The following NTM variants were observed in gnomAD, a reference collection of about 807,000 sequenced individuals.
NTM encodes the protein neurotrimin.
In NTM, 13 loss-of-function variants were observed where a neutral mutation model predicts 42.1. The ratio of observed to expected loss-of-function variants is 0.31; its 90% CI spans 0.20 to 0.49. The LOEUF (loss-of-function observed/expected upper bound fraction) is 0.49. Ranked by LOEUF, NTM falls within the 20% of genes least tolerant of loss-of-function variation. NTM has a pLI of 0.99. For missense variants in NTM, 373 were observed against 452.8 expected (o/e 0.82, Z 1.60); for synonymous variants, 187 against 179.2 (o/e 1.04, Z -0.35).
intron 1 of NTM, among the ~76,000 whole-genome samples, chr11:131,683,836 C>T (rs915198902): frequency 1.3e-5 from 2 of 152,100 alleles, no homozygotes; most frequent in Non-Finnish European, 2.9e-5. Flanking sequence ...GAGCTGATGG[C>T]GTCCTAGGCT....
At chr11:131,551,285 A>G (rs992692688) in intron 1 of NTM, among the ~76,000 whole-genome samples, 9 of 152,220 alleles carry the variant, frequency 5.9e-5, no homozygotes, top group Non-Finnish European at 1.2e-4. Context: ...TAGAAAGAAG[A>G]TAATAGCTCC....
At position 132,001,099 on chromosome 11, in the gene NTM, GTTTGT is replaced by G. The variant is rs376894229; in HGVS notation, c.167+89456_167+89460del. Among the ~76,000 whole-genome samples the G allele has an allele frequency of 7.0e-4, 106 of 152,116 alleles. 1 individual carries two copies. Among genetic ancestry groups the G allele is most frequent in the African/African-American group, 2.4e-3 (98 of 41,498 alleles). ...ATCCAGGAAGCATATTGTGAGGAGC[GTTTGT>G]TTTGCAGGTTGCAAAACATGAGTTT... On this transcript the variant is annotated intron_variant, in intron 2 of 8. Transcript: ENST00000683400.
At chr11:131,458,091 G>A (rs1482472453) in intron 1 of NTM, among the ~76,000 whole-genome samples, 1 of 152,218 alleles carries the variant, frequency 6.6e-6, no homozygotes, top group Non-Finnish European at 1.5e-5. Flanking sequence ...GGATGAGTGT[G>A]AGTAGAGAGG....
intron 1 of NTM, among the ~76,000 whole-genome samples, chr11:131,456,046 TTTTG>T (rs1207058916): frequency 1.3e-5 from 2 of 152,190 alleles, no homozygotes; most frequent in Non-Finnish European, 2.9e-5. Context: ...AGGTTGCAAA[TTTTG>T]TGTGTGTGAA....
intron 1 of NTM, among the ~76,000 whole-genome samples, chr11:131,893,914 G>A (rs1027980564): frequency 2.6e-5 from 4 of 152,190 alleles, no homozygotes; most frequent in Admixed American, 1.3e-4. Context: ...CTGGAAGAGG[G>A]CGCATGTTTC....
At chr11:131,654,285 C>T (rs2066887545) in intron 1 of NTM, among the ~76,000 whole-genome samples, 1 of 152,172 alleles carries the variant, frequency 6.6e-6, no homozygotes, top group South Asian at 2.1e-4. Flanking sequence ...CCTAGAATGT[C>T]AAGGAAAAGC....
At chr11:131,548,975 A>T (rs1315287592) in intron 1 of NTM, among the ~76,000 whole-genome samples, 1 of 152,198 alleles carries the variant, frequency 6.6e-6, no homozygotes. Context: ...TTCACAGCTT[A>T]TACATCCTTA....
At chr11:132,159,323 G>T (rs949672395) in intron 3 of NTM, among the ~76,000 whole-genome samples, 1 of 152,132 alleles carries the variant, frequency 6.6e-6, no homozygotes, top group African/African-American at 2.4e-5. Flanking sequence ...TAAGAGACGC[G>T]TTTATTCTCC....
intron 2 of NTM, among the ~76,000 whole-genome samples, chr11:132,084,791 C>A (rs2059501636): frequency 6.6e-6 from 1 of 152,146 alleles, no homozygotes; most frequent in South Asian, 2.1e-4. Flanking sequence ...ATTTCATTAT[C>A]TTTTACTATT....
At chr11:131,456,172 C>A (rs564683545) in intron 1 of NTM, among the ~76,000 whole-genome samples, 1 of 152,314 alleles carries the variant, frequency 6.6e-6, no homozygotes, top group East Asian at 1.9e-4. Context: ...CAAGCTCTGA[C>A]TGGTGAGTGA....
intron 4 of NTM, among the ~76,000 whole-genome samples, chr11:132,255,593 G>A (rs2092405916): frequency 6.6e-6 from 1 of 152,188 alleles, no homozygotes; most frequent in African/African-American, 2.4e-5. Context: ...CAGAGAAGGG[G>A]GTGCGGAGTG....
chr11:131,600,255 C>A (rs2060353685), intron 1 of NTM, among the ~76,000 whole-genome samples: 2 of 152,132 alleles, frequency 1.3e-5, no homozygotes, highest in Non-Finnish European at 2.9e-5. Flanking sequence ...AAGCACATTC[C>A]TCATGCAGAA....
intron 1 of NTM, among the ~76,000 whole-genome samples, chr11:131,646,775 C>T (rs1378228523): frequency 6.6e-6 from 1 of 152,124 alleles, no homozygotes; most frequent in African/African-American, 2.4e-5. Flanking sequence ...GGGTTTCAAT[C>T]TCAGCCTTAT....
At chr11:131,665,143 C>T (rs536881201) in intron 1 of NTM, among the ~76,000 whole-genome samples, 4 of 152,342 alleles carry the variant, frequency 2.6e-5, no homozygotes, top group Non-Finnish European at 5.9e-5. Context: ...TCAAGGCTGA[C>T]ACCTGGAGAC....
At chr11:132,005,045 A>G (rs1409226969) in intron 2 of NTM, among the ~76,000 whole-genome samples, 1 of 152,152 alleles carries the variant, frequency 6.6e-6, no homozygotes, top group African/African-American at 2.4e-5. Context: ...GTTATAGTTG[A>G]TGGCTCAGGA....
In NTM at chr11:131,966,968, A is replaced by C. The variant is rs80026689; in HGVS notation, c.167+55320A>C. Among the ~76,000 whole-genome samples the C allele has an allele frequency of 2.3e-3, 344 of 152,240 alleles. 3 individuals carry two copies. Among genetic ancestry groups the C allele is most frequent in the African/African-American group, 7.5e-3 (313 of 41,524 alleles). Reference sequence around the variant, plus strand: ...CCAGTAAGACTTGCTGATGGGTTACATGTGGGATGTGAGGGAAAGAGAGGT... The same window carrying C: ...CCAGTAAGACTTGCTGATGGGTTACCTGTGGGATGTGAGGGAAAGAGAGGT... On this transcript the variant is annotated intron_variant, in intron 2 of 8. Coordinates refer to ENST00000683400, the MANE Select transcript of NTM (RefSeq NM_001352005.2).
chr11:132,303,600 CT>C (rs1038337630), intron 4 of NTM, among the ~76,000 whole-genome samples: 19 of 151,520 alleles, frequency 1.3e-4, no homozygotes, highest in Admixed American at 3.3e-4. Context: ...CTCAACATAC[CT>C]TTTTTGGGAG....
intron 2 of NTM, among the ~76,000 whole-genome samples, chr11:132,085,199 C>G (rs1371138999): frequency 6.6e-6 from 1 of 152,180 alleles, no homozygotes; most frequent in East Asian, 1.9e-4. Flanking sequence ...TAATCTTTTA[C>G]TAAAGACACA....
At chr11:132,165,151 T>C (rs760308787) in intron 3 of NTM, among the ~76,000 whole-genome samples, 1 of 152,182 alleles carries the variant, frequency 6.6e-6, no homozygotes, top group Non-Finnish European at 1.5e-5. Flanking sequence ...TGTGGGAACC[T>C]AATGGAATCT....
Sources: gnomAD v4.1 joint callset for allele counts (sites outside exome capture counted in the v4.1 genomes callset) on GRCh38, gnomAD v4.1.1 for gene constraint, MANE v1.5 for transcripts, NCBI Gene and HGNC (gene_info 2026-07-23, HGNC 2026-07-21) for gene names.